Variants in SPTBN1 observed in about 807,000 individuals in gnomAD.
The protein encoded by SPTBN1 is spectrin beta, non-erythrocytic 1.
SPTBN1 carries 32 observed loss-of-function variants against 266.4 expected under a neutral mutation model. The observed-to-expected ratio is 0.12, with a 90% confidence interval of 0.09 to 0.16. SPTBN1 has a LOEUF of 0.16. Ranked by LOEUF, SPTBN1 falls within the 10% of genes least tolerant of loss-of-function variation. The probability of loss-of-function intolerance (pLI) is 1.00; values close to 1 mark genes in which losing one functional copy is unlikely to be tolerated. For synonymous variants in SPTBN1, 1,336 were observed against 1,162.2 expected (o/e 1.15, Z -3.04); for missense variants, 2,296 against 3,067.1 (o/e 0.75, Z 5.94).
chr2:54,480,854 A>G (rs754101317), intron 1 of SPTBN1, among the ~76,000 whole-genome samples: 3 of 152,204 alleles, frequency 2.0e-5, no homozygotes, highest in Non-Finnish European at 4.4e-5. Flanking sequence ...AGGGGAGTCC[A>G]TTAGTTAAGG....
chr2:54,476,407 TC>T (rs959219126), intron 1 of SPTBN1, among the ~76,000 whole-genome samples: 1 of 152,210 alleles, frequency 6.6e-6, no homozygotes, highest in African/African-American at 2.4e-5. Context: ...CCCATCAGCT[TC>T]TTTGAAGCAC....
intron 1 of SPTBN1, among the ~76,000 whole-genome samples, chr2:54,493,369 T>G (rs952829193): frequency 5.9e-5 from 9 of 151,268 alleles, no homozygotes; most frequent in Non-Finnish European, 1.3e-4. Context: ...GGGTTGCTCT[T>G]ACATATATAT....
chr2:54,500,553 T>C (rs1401428713), intron 1 of SPTBN1, among the ~76,000 whole-genome samples: 2 of 152,200 alleles, frequency 1.3e-5, no homozygotes, highest in Non-Finnish European at 2.9e-5. Flanking sequence ...TTTTTTGTTT[T>C]GTTTTGTTTT....
intron 2 of SPTBN1, among the ~76,000 whole-genome samples, chr2:54,552,353 T>C (rs2104436861): frequency 6.6e-6 from 1 of 152,294 alleles, no homozygotes; most frequent in South Asian, 2.1e-4. Flanking sequence ...AATTTATAAA[T>C]TATCTCAACC....
chr2:54,558,762 G>A lies in SPTBN1; in HGVS notation c.148+32196G>A, dbSNP rs911967703. ...GATTTCCAGGGCGCAGTCCTCCGGG[G>A]CGTTACGCCGGGCATAATGGAATTG... On this transcript the variant is annotated intron_variant, in intron 2 of 35. Transcript: ENST00000356805. This position sits in a 1 kb window ranked among gnomAD's most constrained non-coding sequence, Gnocchi z 4.6. 2.1e-5 allele frequency: 34 copies of A among 1,609,814 alleles called. No homozygotes were observed. The highest frequency in any genetic ancestry group is 2.8e-5 in the Non-Finnish European group (33 of 1,177,468).
chr2:54,507,695 TG>T (rs1320420243), intron 1 of SPTBN1, among the ~76,000 whole-genome samples: 1 of 152,036 alleles, frequency 6.6e-6, no homozygotes, highest in Non-Finnish European at 1.5e-5. Context: ...CTTGCTTGGT[TG>T]GCAAGCTTTT....
At chr2:54,525,192 T>C (rs1670725282) in intron 1 of SPTBN1, among the ~76,000 whole-genome samples, 1 of 152,212 alleles carries the variant, frequency 6.6e-6, no homozygotes, top group African/African-American at 2.4e-5. Context: ...ATAGCAAGCG[T>C]GTATTGAGCA....
chr2:54,622,615 C>T, intron 9 of SPTBN1, 128 bp downstream of exon 9: 2 of 1,051,504 alleles, frequency 1.9e-6, no homozygotes. Context: ...TGTCCTACTC[C>T]TTTTCATCTG....
chr2:54,460,775 C>T (rs1447687225), intron 1 of SPTBN1, among the ~76,000 whole-genome samples: 1 of 152,042 alleles, frequency 6.6e-6, no homozygotes, highest in Admixed American at 6.5e-5. Context: ...CGAGTGGGGG[C>T]GGATCACTTG....
At chr2:54,652,329 G>A (rs1351021922) in intron 26 of SPTBN1, among the ~76,000 whole-genome samples, 2 of 152,092 alleles carry the variant, frequency 1.3e-5, no homozygotes, top group Non-Finnish European at 2.9e-5. Context: ...TCTTATTTTT[G>A]TTTTTACAGA....
chr2:54,474,858 A>C (rs541234191), intron 1 of SPTBN1, among the ~76,000 whole-genome samples: 14 of 152,286 alleles, frequency 9.2e-5, no homozygotes, highest in African/African-American at 3.4e-4. Flanking sequence ...CTATAATTTG[A>C]AAAAGTAAAC....
At chr2:54,625,149 C>G (rs1678242741) in intron 11 of SPTBN1, among the ~76,000 whole-genome samples, 187 bp downstream of exon 11, 1 of 152,162 alleles carries the variant, frequency 6.6e-6, no homozygotes, top group African/African-American at 2.4e-5. Flanking sequence ...TTCTATTTAT[C>G]TAACTTTTCA....
intron 1 of SPTBN1, among the ~76,000 whole-genome samples, chr2:54,493,688 C>T (rs1668813274): frequency 6.6e-6 from 1 of 152,224 alleles, no homozygotes; most frequent in Non-Finnish European, 1.5e-5. Flanking sequence ...AGGCATGAGC[C>T]ACCACACCTG....
intron 1 of SPTBN1, among the ~76,000 whole-genome samples, chr2:54,519,866 C>G (rs72915054): frequency 6.6e-6 from 1 of 151,854 alleles, no homozygotes; most frequent in African/African-American, 2.4e-5. Context: ...CCCTGTGGAG[C>G]GAGAGGGAGA....
At chr2:54,657,300 G>A (rs568591543) in intron 29 of SPTBN1, among the ~76,000 whole-genome samples, 45 of 152,284 alleles carry the variant, frequency 3.0e-4, no homozygotes, top group Non-Finnish European at 5.4e-4. Flanking sequence ...AAAAGAGGGC[G>A]AGTTAAGAAT....
intron 3 of SPTBN1, among the ~76,000 whole-genome samples, chr2:54,608,449 G>T (rs1323451306): frequency 6.6e-6 from 1 of 152,154 alleles, no homozygotes. Context: ...TAGGTGTGAT[G>T]AGGTGAAGAG....
Position 54,533,613 on chromosome 2 carries a change from C to T in SPTBN1, c.148+7047C>T, listed in dbSNP as rs902725388. Among the ~76,000 whole-genome samples the T allele has an allele frequency of 6.6e-6, 1 of 152,104 alleles. No homozygotes were observed. The highest frequency in any genetic ancestry group is 1.9e-4 in the East Asian group (1 of 5,188). Reference sequence around the variant, plus strand: ...TCACCCAGGCTGTAGTACGATGGCGCGATCTTGGCTCACTGCAACCTCCGC... The same window carrying T: ...TCACCCAGGCTGTAGTACGATGGCGTGATCTTGGCTCACTGCAACCTCCGC... On this transcript the variant is annotated intron_variant, in intron 2 of 35. Coordinates refer to ENST00000356805, the MANE Select transcript of SPTBN1 (RefSeq NM_003128.3). The surrounding 1 kb of genome is among the most constrained non-coding windows in gnomAD (Gnocchi z 4.2).
chr2:54,502,100 T>C (rs1156809237), intron 1 of SPTBN1, among the ~76,000 whole-genome samples: 1 of 152,152 alleles, frequency 6.6e-6, no homozygotes, highest in Non-Finnish European at 1.5e-5. Context: ...AGGATGTCAG[T>C]CAAATAATTC....
intron 1 of SPTBN1, among the ~76,000 whole-genome samples, chr2:54,509,951 T>G (rs532362707): frequency 4.7e-4 from 45 of 95,594 alleles, no homozygotes; most frequent in South Asian, 1.3e-3. Flanking sequence ...TTCCTTGCTT[T>G]CTTTCTTTTT....
Sources: gnomAD v4.1 joint callset for allele counts (sites outside exome capture counted in the v4.1 genomes callset) on GRCh38, gnomAD v4.1.1 for gene constraint, Gnocchi (gnomAD v3.1) non-coding constraint, MANE v1.5 for transcripts, NCBI Gene and HGNC (gene_info 2026-07-23, HGNC 2026-07-21) for gene names.